Variants in SLC35F1 observed in about 807,000 individuals in gnomAD.
SLC35F1 encodes solute carrier family 35 member F1, also known as chromosome 6 open reading frame 169.
A neutral mutation model predicts 48.7 loss-of-function variants in SLC35F1; 14 were observed. The observed-to-expected ratio is 0.29, with a 90% confidence interval of 0.19 to 0.45. The LOEUF (loss-of-function observed/expected upper bound fraction) is 0.45. Among genes scored for constraint, SLC35F1 ranks in the 20% least tolerant of loss-of-function variants. SLC35F1 has a pLI of 1.00. For missense variants in SLC35F1, 404 were observed against 500.0 expected, an observed-to-expected ratio of 0.81 and a Z score of 1.83; for synonymous variants, 190 against 202.2, an observed-to-expected ratio of 0.94 and a Z score of 0.51.
intron 2 of SLC35F1, among the ~76,000 whole-genome samples, chr6:118,160,973 C>G (rs1774221761): frequency 6.6e-6 from 1 of 151,190 alleles, no homozygotes; most frequent in Non-Finnish European, 1.5e-5. Flanking sequence ...TTGTTTCTTC[C>G]AACTCAATAA....
intron 2 of SLC35F1, among the ~76,000 whole-genome samples, chr6:118,232,989 C>T (rs1034767535): frequency 4.7e-5 from 7 of 149,706 alleles, no homozygotes; most frequent in Middle Eastern, 3.5e-3. Context: ...TTTTTTTAGA[C>T]GAAGTCTCAC....
intron 1 of SLC35F1, among the ~76,000 whole-genome samples, chr6:118,002,386 G>T (rs898863911): frequency 6.6e-6 from 1 of 151,850 alleles, no homozygotes; most frequent in Admixed American, 6.6e-5. Context: ...TCACTCATAG[G>T]TGGGAACTGA....
chr6:117,933,505 T>C (rs180903001), intron 1 of SLC35F1, among the ~76,000 whole-genome samples: 12 of 152,312 alleles, frequency 7.9e-5, no homozygotes, highest in African/African-American at 2.6e-4. Context: ...CCAAAAAGAA[T>C]AGTGGAGAAT....
At chr6:118,234,851 T>G (rs908890526) in intron 2 of SLC35F1, among the ~76,000 whole-genome samples, 3 of 147,420 alleles carry the variant, frequency 2.0e-5, no homozygotes, top group African/African-American at 7.5e-5. Flanking sequence ...AATGAAGAAC[T>G]AAGAGATTCA....
intron 6 of SLC35F1, among the ~76,000 whole-genome samples, chr6:118,282,304 G>A (rs536691740): frequency 6.6e-6 from 1 of 152,322 alleles, no homozygotes; most frequent in Non-Finnish European, 1.5e-5. Context: ...GTGTTAACTA[G>A]GCTGGCTATG....
intron 2 of SLC35F1, among the ~76,000 whole-genome samples, chr6:118,166,504 C>G (rs1300687050): frequency 6.6e-6 from 1 of 152,198 alleles, no homozygotes; most frequent in Admixed American, 6.5e-5. Context: ...CAGCTTTAAA[C>G]AAGCTATTGA....
chr6:118,216,483 GA>G (rs1397192118), intron 2 of SLC35F1, among the ~76,000 whole-genome samples: 12 of 147,924 alleles, frequency 8.1e-5, no homozygotes, highest in Non-Finnish European at 1.5e-4. Flanking sequence ...AAAAAGAAAA[GA>G]AAAGAAAAGA....
intron 6 of SLC35F1, among the ~76,000 whole-genome samples, chr6:118,279,942 T>G (rs1316460534): frequency 2.0e-5 from 3 of 152,222 alleles, no homozygotes; most frequent in African/African-American, 7.2e-5. Flanking sequence ...AGATGGTTGT[T>G]GTTGTTGTTT....
chr6:118,000,891 G>A (rs1035672186), intron 1 of SLC35F1, among the ~76,000 whole-genome samples: 1 of 152,058 alleles, frequency 6.6e-6, no homozygotes, highest in African/African-American at 2.4e-5. Context: ...CCAACTTACA[G>A]GGGACATGAA....
chr6:118,158,384 G>A (rs868812483), intron 2 of SLC35F1, among the ~76,000 whole-genome samples: 20 of 152,170 alleles, frequency 1.3e-4, no homozygotes, highest in African/African-American at 4.8e-4. Flanking sequence ...AGGGAAGGAT[G>A]GAAAGTGTGG....
intron 3 of SLC35F1, among the ~76,000 whole-genome samples, chr6:118,242,188 C>T (rs889307253): frequency 6.6e-6 from 1 of 152,222 alleles, no homozygotes; most frequent in African/African-American, 2.4e-5. Flanking sequence ...TTCCTACCAG[C>T]AATGTATGAG....
At chr6:118,040,090 A>G (rs1208177658) in intron 1 of SLC35F1, among the ~76,000 whole-genome samples, 1 of 152,128 alleles carries the variant, frequency 6.6e-6, no homozygotes, top group Non-Finnish European at 1.5e-5. Flanking sequence ...CAGTTAGGCT[A>G]AGACCTGTGT....
chr6:118,136,611 C>G (rs1374795354), intron 1 of SLC35F1, among the ~76,000 whole-genome samples: 1 of 152,142 alleles, frequency 6.6e-6, no homozygotes, highest in Non-Finnish European at 1.5e-5. Context: ...GTCTTAAAGT[C>G]TTCCAAAGCA....
intron 1 of SLC35F1, among the ~76,000 whole-genome samples, chr6:117,968,526 T>C (rs1447668911): frequency 6.6e-6 from 1 of 152,178 alleles, no homozygotes; most frequent in East Asian, 1.9e-4. Flanking sequence ...TCTACCAATA[T>C]TTCGTTGCAA....
At chr6:118,273,141 G>A (rs1775878527) in intron 4 of SLC35F1, among the ~76,000 whole-genome samples, 1 of 152,042 alleles carries the variant, frequency 6.6e-6, no homozygotes, top group Non-Finnish European at 1.5e-5. Flanking sequence ...ATTGTGTTGT[G>A]ATGATCAATA....
At chr6:118,256,893 G>A (rs1775653084) in intron 3 of SLC35F1, among the ~76,000 whole-genome samples, 1 of 152,100 alleles carries the variant, frequency 6.6e-6, no homozygotes, top group African/African-American at 2.4e-5. Context: ...ATGGAGTTGT[G>A]AAGATTCAGT....
At chr6:118,310,514 C>T (rs912078132) in intron 7 of SLC35F1, among the ~76,000 whole-genome samples, 3 of 151,160 alleles carry the variant, frequency 2.0e-5, no homozygotes, top group Non-Finnish European at 4.4e-5. Context: ...ACTTTTTTTA[C>T]TTTTTTTTTA....
chr6:117,993,664 G>A (rs1171024150), intron 1 of SLC35F1, among the ~76,000 whole-genome samples: 1 of 151,944 alleles, frequency 6.6e-6, no homozygotes, highest in Non-Finnish European at 1.5e-5. Flanking sequence ...TTAGATCCTA[G>A]CCTGAAGAAA....
chr6:118,205,508 T>C (rs1774924036), intron 2 of SLC35F1, among the ~76,000 whole-genome samples: 3 of 152,104 alleles, frequency 2.0e-5, no homozygotes, highest in Non-Finnish European at 1.5e-5. Context: ...AGAAAGTAAG[T>C]GTTAGCAGTG....
Sources: allele counts gnomAD v4.1 joint callset (sites outside exome capture counted in the v4.1 genomes callset), GRCh38; gene constraint gnomAD v4.1.1; transcripts MANE v1.5; gene names NCBI Gene and HGNC (gene_info 2026-07-23, HGNC 2026-07-21).